GPM6A: variants seen among roughly 807,000 people sequenced by gnomAD.
GPM6A encodes neuronal membrane glycoprotein M6-a.
In GPM6A, 7 loss-of-function variants were observed where a neutral mutation model predicts 32.1. The ratio of observed to expected loss-of-function variants is 0.22; its 90% CI spans 0.12 to 0.41. The LOEUF (loss-of-function observed/expected upper bound fraction) is 0.41, where lower values mean the gene tolerates loss of function less well. GPM6A is among the 10% of genes least tolerant of loss of function. GPM6A has a pLI of 1.00. For synonymous variants in GPM6A, 130 were observed against 123.4 expected, an observed-to-expected ratio of 1.05 and a Z score of -0.35; for missense variants, 235 against 347.2, an observed-to-expected ratio of 0.68 and a Z score of 2.57.
chr4:175,947,940 T>C (rs918328056), intron 1 of GPM6A, among the ~76,000 whole-genome samples: 7 of 152,220 alleles, frequency 4.6e-5, no homozygotes, highest in African/African-American at 1.7e-4. Flanking sequence ...CATGCATTCA[T>C]ATATGAATAA....
At chr4:175,673,886 G>A (rs1258620371) in intron 2 of GPM6A, 50 bp from the exon 3 acceptor site, 3 of 1,276,222 alleles carry the variant, frequency 2.4e-6, no homozygotes, top group African/African-American at 1.5e-5. Context: ...CATTGCTGCT[G>A]TGCAGAAATT....
chr4:175,987,901 C>T (rs1741027549), intron 1 of GPM6A, among the ~76,000 whole-genome samples: 2 of 151,982 alleles, frequency 1.3e-5, no homozygotes, highest in South Asian at 4.1e-4. Flanking sequence ...ACCCATTAAC[C>T]TGACTGAAAA....
intron 1 of GPM6A, among the ~76,000 whole-genome samples, chr4:175,797,661 C>T (rs1000861052): frequency 6.6e-6 from 1 of 152,130 alleles, no homozygotes; most frequent in Non-Finnish European, 1.5e-5. Flanking sequence ...CCCACCACAT[C>T]CTCCCAATCA....
intron 1 of GPM6A, among the ~76,000 whole-genome samples, chr4:175,967,382 T>C (rs1322230115): frequency 2.0e-5 from 3 of 152,162 alleles, no homozygotes; most frequent in African/African-American, 7.2e-5. Context: ...GAGGAGGATG[T>C]CCTTGCTCAT....
intron 2 of GPM6A, among the ~76,000 whole-genome samples, chr4:175,690,046 T>G (rs561426973): frequency 3.0e-4 from 45 of 152,290 alleles, no homozygotes; most frequent in African/African-American, 1.1e-3. Context: ...GGCTTTGTGC[T>G]CACCTGGAGT....
intron 1 of GPM6A, among the ~76,000 whole-genome samples, chr4:175,802,833 G>A (rs919765006): frequency 4.6e-5 from 7 of 151,994 alleles, no homozygotes; most frequent in Admixed American, 3.9e-4. Flanking sequence ...TTCATTGCCA[G>A]AATCACAATG....
intron 1 of GPM6A, among the ~76,000 whole-genome samples, chr4:175,886,723 AC>A (rs1258710084): frequency 5.7e-4 from 7 of 12,322 alleles, no homozygotes; most frequent in Admixed American, 3.2e-3. Context: ...AACTCAGTAA[AC>A]ACACACACAC....
chr4:175,816,057 G>T (rs1430644550), upstream of GPM6A, among the ~76,000 whole-genome samples: 1 of 152,154 alleles, frequency 6.6e-6, no homozygotes, highest in African/African-American at 2.4e-5. Flanking sequence ...CAACCATGGT[G>T]GTGCACACCT....
chr4:175,881,014 G>A (rs1192278317), intron 1 of GPM6A, among the ~76,000 whole-genome samples: 1 of 152,102 alleles, frequency 6.6e-6, no homozygotes, highest in Non-Finnish European at 1.5e-5. Flanking sequence ...AAACTAAAGA[G>A]CTCCTGCACA....
At chr4:175,804,895 A>T (rs1025612549) in intron 1 of GPM6A, among the ~76,000 whole-genome samples, 5 of 152,068 alleles carry the variant, frequency 3.3e-5, no homozygotes, top group Admixed American at 1.3e-4. Flanking sequence ...AACACAAAAA[A>T]TTAGCTGGGT....
At chr4:175,804,498 G>T (rs899205334) in intron 1 of GPM6A, among the ~76,000 whole-genome samples, 2 of 152,084 alleles carry the variant, frequency 1.3e-5, no homozygotes, top group Non-Finnish European at 2.9e-5. Flanking sequence ...TGACTAAATA[G>T]TGTGACCGTA....
chr4:175,767,449 T>C (rs1350882577), intron 1 of GPM6A, among the ~76,000 whole-genome samples: 1 of 152,224 alleles, frequency 6.6e-6, no homozygotes, highest in Non-Finnish European at 1.5e-5. Flanking sequence ...CAGAAACCCC[T>C]GACTGGGCAG....
In GPM6A at chr4:175,968,997, T is replaced by C. The variant is rs527468835; in HGVS notation, c.-23+33312A>G. Among the ~76,000 whole-genome samples the C allele has an allele frequency of 1.3e-4, 20 of 152,308 alleles. No homozygotes were observed. In the South Asian group the frequency reaches 4.1e-3, roughly 32 times the overall value. On this transcript the variant is annotated intron_variant, in intron 1 of 7. Transcript: ENST00000280187. ...TGGCAGTTTCATTCATAATTGCAAA[T>C]AACTTGGAAACAACCAATATATCCT...
intron 1 of GPM6A, among the ~76,000 whole-genome samples, chr4:175,774,770 G>A (rs1285736039): frequency 6.6e-6 from 1 of 152,032 alleles, no homozygotes; most frequent in Non-Finnish European, 1.5e-5. Flanking sequence ...AGTCATGGCT[G>A]TCTAATGAAG....
In GPM6A at chr4:175,941,719, C is replaced by A. The variant is rs143851546; in HGVS notation, c.-23+60590G>T. Among the ~76,000 whole-genome samples the A allele has an allele frequency of 3.7e-3, 568 of 152,242 alleles. 6 individuals are homozygous for A. Among genetic ancestry groups the A allele is most frequent in the African/African-American group, 0.013 (549 of 41,538 alleles). The stretch of plus-strand genomic sequence containing the variant: ...GTCCCTGCAAAGGACATGAACTCAT[C>A]TTTTTTATGGCTGCATAGTATTCAA... On this transcript the variant is annotated intron_variant, in intron 1 of 7. Coordinates refer to the GPM6A transcript ENST00000280187.
At chr4:175,840,614 C>T (rs1331596815) in intron 1 of GPM6A, among the ~76,000 whole-genome samples, 1 of 152,150 alleles carries the variant, frequency 6.6e-6, no homozygotes, top group Non-Finnish European at 1.5e-5. Flanking sequence ...GCGGAGGTTT[C>T]AGTGAGCCAA....
intron 3 of GPM6A, among the ~76,000 whole-genome samples, chr4:175,659,130 G>A (rs1465871956): frequency 6.6e-6 from 1 of 151,306 alleles, no homozygotes; most frequent in Middle Eastern, 3.2e-3. Flanking sequence ...GGCCCAGGCT[G>A]GAGTGCAGTT....
intron 1 of GPM6A, among the ~76,000 whole-genome samples, chr4:175,744,845 A>G (rs1732034027): frequency 1.3e-5 from 2 of 152,172 alleles, no homozygotes; most frequent in African/African-American, 4.8e-5. Flanking sequence ...ATGTTCTGAT[A>G]TTACTTTTTA....
chr4:175,857,873 G>A (rs1736461697), intron 1 of GPM6A, among the ~76,000 whole-genome samples: 1 of 151,860 alleles, frequency 6.6e-6, no homozygotes, highest in Non-Finnish European at 1.5e-5. Flanking sequence ...TCTAAATAGT[G>A]GAAGAAAGAT....
Sources: allele counts gnomAD v4.1 joint callset (sites outside exome capture counted in the v4.1 genomes callset), GRCh38; gene constraint gnomAD v4.1.1; transcripts MANE v1.5; gene names NCBI Gene and HGNC (gene_info 2026-07-23, HGNC 2026-07-21).